TMED3: variants seen among roughly 807,000 people sequenced by gnomAD.
The protein encoded by TMED3 is transmembrane p24 trafficking protein 3, also known as transmembrane emp24 domain-containing protein 3.
TMED3 carries 9 observed loss-of-function variants against 15.0 expected under a neutral mutation model. That is an observed-to-expected ratio of 0.60 (90% confidence interval 0.36 to 1.04). The LOEUF is 1.04. Ranked by LOEUF, TMED3 falls within the 50% of genes least tolerant of loss-of-function variation. The probability of loss-of-function intolerance (pLI) is 0.01; values close to 1 mark genes in which losing one functional copy is unlikely to be tolerated. For missense variants in TMED3, 267 were observed against 278.9 expected, an observed-to-expected ratio of 0.96 and a Z score of 0.30; for synonymous variants, 117 against 121.4, an observed-to-expected ratio of 0.96 and a Z score of 0.24.
At chr15:79,352,082 G>A (rs966116138) in intron 2 of TMED3, among the ~76,000 whole-genome samples, 1 of 151,506 alleles carries the variant, frequency 6.6e-6, no homozygotes, top group African/African-American at 2.4e-5. Flanking sequence ...GAGTAGGAGG[G>A]GGGTGAGGGG....
intron 2 of TMED3, among the ~76,000 whole-genome samples, chr15:79,392,375 T>C (rs976592730): frequency 3.3e-5 from 5 of 152,160 alleles, no homozygotes; most frequent in African/African-American, 1.2e-4. Context: ...CTTAGTTTTG[T>C]TGGATACAAA....
chr15:79,353,044 A>G (rs547191174), intron 2 of TMED3, among the ~76,000 whole-genome samples: 11,041 of 107,874 alleles, frequency 0.1, 664 homozygotes, highest in Admixed American at 0.14. Flanking sequence ...TATATATTAT[A>G]TATATAAAAA....
chr15:79,396,918 T>C (rs1893769863), intron 2 of TMED3, among the ~76,000 whole-genome samples: 1 of 152,262 alleles, frequency 6.6e-6, no homozygotes, highest in Non-Finnish European at 1.5e-5. Context: ...TTTCACCTGT[T>C]TCTTTTTACT....
intron 2 of TMED3, among the ~76,000 whole-genome samples, chr15:79,406,961 A>G (rs926281485): frequency 6.6e-6 from 1 of 152,234 alleles, no homozygotes; most frequent in African/African-American, 2.4e-5. Context: ...AATGGAAGAC[A>G]GTGGCCACTG....
downstream of TMED3, among the ~76,000 whole-genome samples, chr15:79,323,435 A>G (rs1409604839): frequency 6.6e-6 from 1 of 152,238 alleles, no homozygotes; most frequent in Non-Finnish European, 1.5e-5. Flanking sequence ...AATGTTGCTT[A>G]TCTTTCATAT....
chr15:79,383,902 C>A (rs1893582981), intron 2 of TMED3: 1 of 152,220 alleles, frequency 6.6e-6, no homozygotes, highest in South Asian at 2.1e-4. Flanking sequence ...CCAAAACTTT[C>A]TTTGGGTTAA....
Position 79,311,307 on chromosome 15 carries a change from CG to C in TMED3, c.61del (p.Ala21ProfsTer29). 6.2e-7 allele frequency: 1 copy of C among 1,606,880 alleles called. No individual in the cohort carries two copies. The highest frequency in any genetic ancestry group is 1.1e-5 in the South Asian group (1 of 90,056). On this transcript the variant is annotated frameshift_variant, in exon 1 of 3. Coordinates refer to ENST00000299705, the MANE Select transcript of TMED3 (RefSeq NM_007364.4). LOFTEE classifies it high-confidence loss of function. ...GCTGCTTCTGCTGCTGCTCCTGCGC[CG>C]GGCCGAGCAGCCCTGCGGGGCCGAG... ...SVLLLLLLLRRAEQPCGAELT... is the reference protein window; with the variant it reads ...SVLLLLLLLRXAEQPCGAELT...
chr15:79,411,395 T>C (rs995344997), intron 2 of TMED3: 1 of 702,354 alleles, frequency 1.4e-6, no homozygotes, highest in Admixed American at 2.0e-5. Flanking sequence ...TTTTGAACAA[T>C]GAAGAGATTC....
Position 79,322,195 on chromosome 15 carries a change from G to C in TMED3, c.635G>C (p.Ser212Thr). 6.2e-7 allele frequency: 1 copy of C among 1,613,936 alleles called. No individual in the cohort carries two copies. Among genetic ancestry groups the C allele is most frequent in the Non-Finnish European group, 8.5e-7 (1 of 1,179,902 alleles). ...TTCTTCACAGAAAAACGACCCATCA[G>C]CAGGGCAGTCCACTCCTAGCCCCGG... The part of the protein sequence containing the change: ...KSFFTEKRPI[S>T]RAVHS The change falls in exon 3 of 3, where the codon AGC becomes ACC. Residue 212 changes from serine to threonine, a missense_variant. Physicochemically the swap from Ser to Thr is moderately conservative, Grantham distance 58. This residue lies in a region of TMED3 where 139 missense variants were observed against 125.0 expected (regional missense o/e 1.11). Coordinates refer to ENST00000299705, the MANE Select transcript of TMED3 (RefSeq NM_007364.4).
intron 2 of TMED3, among the ~76,000 whole-genome samples, chr15:79,315,630 A>T (rs2058737345): frequency 6.6e-6 from 1 of 152,334 alleles, no homozygotes; most frequent in African/African-American, 2.4e-5. Flanking sequence ...CCTGAGCAGT[A>T]GTTTGATTTT....
At chr15:79,363,833 G>A (rs1251954042) in intron 2 of TMED3, among the ~76,000 whole-genome samples, 4 of 152,160 alleles carry the variant, frequency 2.6e-5, no homozygotes, top group South Asian at 2.1e-4. Context: ...CACCGGGATC[G>A]CAGCAAGACA....
intron 2 of TMED3, among the ~76,000 whole-genome samples, chr15:79,398,967 G>A (rs545794619): frequency 6.6e-6 from 1 of 152,322 alleles, no homozygotes; most frequent in African/African-American, 2.4e-5. Flanking sequence ...CCGGAGTGCA[G>A]TAGCATGATC....
chr15:79,336,565 G>A (rs1017666500), intron 2 of TMED3, among the ~76,000 whole-genome samples: 8 of 152,236 alleles, frequency 5.3e-5, no homozygotes, highest in Non-Finnish European at 7.4e-5. Context: ...GGCTGAGGCC[G>A]GAGAATGACT....
In TMED3 at chr15:79,311,343, G is replaced by C. The variant is rs1373361226; in HGVS notation, c.94G>C (p.Glu32Gln). 2 of 1,611,456 alleles carry C rather than the reference G, an allele frequency of 1.2e-6. No homozygotes were observed. Among genetic ancestry groups the C allele is most frequent in the South Asian group, 2.2e-5 (2 of 90,584 alleles). Residue 32 changes from glutamate (E) to glutamine (Q), a missense_variant, in exon 1 of 3, where the codon GAG becomes CAG. Physicochemically the swap from Glu to Gln is conservative, Grantham distance 29 (BLOSUM62 2). Around this residue, in one of 3 missense-constraint regions of TMED3, gnomAD observed 59 missense variants for 47.0 expected, o/e 1.26. Transcript: ENST00000299705. ...EQPCGAELTFELPDNAKQCFH... is the reference protein window; with the variant it reads ...EQPCGAELTFQLPDNAKQCFH... ...GCCCTGCGGGGCCGAGCTCACCTTC[G>C]AGCTGCCGGACAACGCCAAGCAGTG...
At chr15:79,349,399 T>G (rs556154442) in intron 2 of TMED3, among the ~76,000 whole-genome samples, 1 of 152,296 alleles carries the variant, frequency 6.6e-6, no homozygotes, top group Non-Finnish European at 1.5e-5. Context: ...GGAGATTGCA[T>G]CTGGGAAGAG....
intron 2 of TMED3, among the ~76,000 whole-genome samples, chr15:79,405,531 A>G (rs1003187119): frequency 1.1e-4 from 16 of 152,134 alleles, no homozygotes; most frequent in African/African-American, 3.9e-4. Flanking sequence ...CAAGAACCCT[A>G]CCAAACCTTA....
rs368539718 is a variant in TMED3, at chr15:79,395,905, A to G, written c.418-15495A>G. Reference sequence around the variant, plus strand: ...CATTTTGGATGGATACTTTGACTATATCACTCAGTTTTCATTTGGATCAGT... The same window carrying G: ...CATTTTGGATGGATACTTTGACTATGTCACTCAGTTTTCATTTGGATCAGT... On this transcript the variant is annotated intron_variant, in intron 2 of 2. Transcript: ENST00000424155. Among the ~76,000 whole-genome samples the G allele has an allele frequency of 3.3e-5, 5 of 152,242 alleles. 1 individual carries two copies. The highest frequency in any genetic ancestry group is 7.2e-5 in the African/African-American group (3 of 41,460).
rs2058711400 is a variant in TMED3, at chr15:79,311,244, A to C, written c.-6A>C. On this transcript the variant is annotated 5_prime_UTR_variant, in exon 1 of 3. Transcript: ENST00000299705. ...CCGCGGCCCTCGAGACGGGACCGAG[A>C]GCATCATGGGCAGCACTGTCCCGCG... The C allele has an allele frequency of 6.3e-7, 1 of 1,595,914 alleles. No individual in the cohort carries two copies. Among genetic ancestry groups the C allele is most frequent in the South Asian group, 1.1e-5 (1 of 89,440 alleles).
At chr15:79,386,032 A>G (rs1893622761) in intron 2 of TMED3, among the ~76,000 whole-genome samples, 1 of 152,244 alleles carries the variant, frequency 6.6e-6, no homozygotes, top group South Asian at 2.1e-4. Flanking sequence ...AGAAAGTAGT[A>G]TGAATAATGG....
Sources: allele counts gnomAD v4.1 joint callset (sites outside exome capture counted in the v4.1 genomes callset), GRCh38; gene constraint gnomAD v4.1.1; regional missense constraint gnomAD v4.1.1; transcripts MANE v1.5; gene names NCBI Gene and HGNC (gene_info 2026-07-23, HGNC 2026-07-21).